ZCCHC7: variants seen among roughly 807,000 people sequenced by gnomAD.
The protein encoded by ZCCHC7 is zinc finger CCHC-type containing 7.
Under a neutral mutation model 52.0 loss-of-function variants are expected in ZCCHC7, and 35 were observed. The ratio of observed to expected loss-of-function variants is 0.67; its 90% CI spans 0.51 to 0.89. ZCCHC7 has a LOEUF of 0.89. ZCCHC7 is among the 40% of genes least tolerant of loss of function. The pLI, the probability that ZCCHC7 is intolerant of heterozygous loss-of-function variation, is 0.00. For missense variants in ZCCHC7, 574 were observed against 649.1 expected (o/e 0.88, Z 1.26); for synonymous variants, 217 against 221.5 (o/e 0.98, Z 0.18).
At chr9:37,224,714 T>C (rs890051358) in intron 2 of ZCCHC7, among the ~76,000 whole-genome samples, 2 of 152,154 alleles carry the variant, frequency 1.3e-5, no homozygotes, top group Non-Finnish European at 2.9e-5. Flanking sequence ...GTGTCTAGAA[T>C]TTGTGGATAA....
chr9:37,134,893 T>A (rs1389387695), intron 2 of ZCCHC7, among the ~76,000 whole-genome samples: 2 of 152,012 alleles, frequency 1.3e-5, no homozygotes, highest in Non-Finnish European at 2.9e-5. Flanking sequence ...GCCCAGCTAA[T>A]TTTTGTATTT....
intron 2 of ZCCHC7, among the ~76,000 whole-genome samples, chr9:37,200,172 C>T (rs1823558613): frequency 6.6e-6 from 1 of 151,992 alleles, no homozygotes; most frequent in Admixed American, 6.6e-5. Flanking sequence ...CTAATTTCCT[C>T]TCTCTTTGTT....
intron 6 of ZCCHC7, among the ~76,000 whole-genome samples, chr9:37,340,175 G>A (rs931538348): frequency 6.6e-6 from 1 of 152,046 alleles, no homozygotes; most frequent in African/African-American, 2.4e-5. Flanking sequence ...TCGTTGCATC[G>A]GGCTGCACTT....
chr9:37,280,239 G>T (rs147098119), intron 2 of ZCCHC7, among the ~76,000 whole-genome samples: 2 of 152,064 alleles, frequency 1.3e-5, no homozygotes, highest in Admixed American at 1.3e-4. Context: ...AAATTTGACG[G>T]GATTAAAGGA....
chr9:37,237,545 A>G (rs1285685451), intron 2 of ZCCHC7, among the ~76,000 whole-genome samples: 1 of 152,184 alleles, frequency 6.6e-6, no homozygotes, highest in Non-Finnish European at 1.5e-5. Context: ...CCTTAACCGT[A>G]CTGTAAACCT....
chr9:37,156,055 GTGTTAGC>G (rs1480393410), intron 2 of ZCCHC7, among the ~76,000 whole-genome samples: 6 of 152,180 alleles, frequency 3.9e-5, no homozygotes, highest in African/African-American at 1.4e-4. Flanking sequence ...TAGTTCATGT[GTGTTAGC>G]TGTTATTTTT....
At chr9:37,344,564 G>A (rs1404951255) in intron 6 of ZCCHC7, among the ~76,000 whole-genome samples, 1 of 152,110 alleles carries the variant, frequency 6.6e-6, no homozygotes, top group South Asian at 2.1e-4. Context: ...CTTACGCCAA[G>A]AGTGGTGTTT....
chr9:37,122,585 A>G (rs1842360884), intron 1 of ZCCHC7, among the ~76,000 whole-genome samples: 1 of 152,222 alleles, frequency 6.6e-6, no homozygotes, highest in South Asian at 2.1e-4. Context: ...ACCAATGCAA[A>G]TATTGCAATG....
rs375877628 is a variant in ZCCHC7, at chr9:37,169,930, G to A, written c.610+42988G>A. Among the ~76,000 whole-genome samples, 39 of 152,042 alleles carry A rather than the reference G, an allele frequency of 2.6e-4. No individual in the cohort carries two copies. The East Asian group carries it at 5.6e-3, about 22-fold the overall frequency. On this transcript the variant is annotated intron_variant, in intron 2 of 8. Transcript: ENST00000336755. ...AAAATACAAAAGATAGGGCTTGGTG[G>A]CATGCATTTGTAGTCCCAGCTACTC...
At chr9:37,242,945 A>G (rs1396055441) in intron 2 of ZCCHC7, among the ~76,000 whole-genome samples, 2 of 151,852 alleles carry the variant, frequency 1.3e-5, no homozygotes, top group African/African-American at 2.4e-5. Flanking sequence ...TCACATCTGG[A>G]ATTGCCATTA....
At chr9:37,189,639 T>G (rs1328316174) in intron 2 of ZCCHC7, among the ~76,000 whole-genome samples, 1 of 151,826 alleles carries the variant, frequency 6.6e-6, no homozygotes, top group African/African-American at 2.4e-5. Flanking sequence ...CTGCCTGCCT[T>G]GGCCTCCCAA....
intron 2 of ZCCHC7, among the ~76,000 whole-genome samples, chr9:37,269,921 A>C (rs1428898065): frequency 6.6e-6 from 1 of 152,130 alleles, no homozygotes; most frequent in Non-Finnish European, 1.5e-5. Context: ...CAAGAGTTTT[A>C]TATCTGTGAA....
chr9:37,277,561 A>G (rs1827740953), intron 2 of ZCCHC7, among the ~76,000 whole-genome samples: 2 of 152,228 alleles, frequency 1.3e-5, no homozygotes, highest in South Asian at 2.1e-4. Context: ...AGAAACTCAC[A>G]GGAAGTCAAC....
chr9:37,120,833 T>A, intron 1 of ZCCHC7: 1 of 254,718 alleles, frequency 3.9e-6, no homozygotes, highest in East Asian at 6.6e-5. Context: ...GGGGTCCGCG[T>A]CTCCCTGGCT....
At chr9:37,205,884 G>GTTT (rs369119545) in intron 2 of ZCCHC7, among the ~76,000 whole-genome samples, 2 of 143,778 alleles carry the variant, frequency 1.4e-5, no homozygotes, top group Admixed American at 1.4e-4. Context: ...ATTTGTTGGA[G>GTTT]TTTTTTTTTT....
chr9:37,287,019 CCCTCCCTT>C (rs1277664412), intron 2 of ZCCHC7, among the ~76,000 whole-genome samples: 2 of 14,338 alleles, frequency 1.4e-4, no homozygotes, highest in Non-Finnish European at 3.9e-4. Context: ...CTCCCTCCCT[CCCTCCCTT>C]CCTTCCTCTC....
chr9:37,325,939 CT>C (rs1830222865), intron 5 of ZCCHC7: 1 of 152,198 alleles, frequency 6.6e-6, no homozygotes, highest in East Asian at 1.9e-4. Flanking sequence ...GTAATTCTTT[CT>C]TTTATTACTA....
chr9:37,237,158 C>A (rs1446646146), intron 2 of ZCCHC7, among the ~76,000 whole-genome samples: 2 of 152,180 alleles, frequency 1.3e-5, no homozygotes, highest in Non-Finnish European at 2.9e-5. Context: ...AAAGAAGACA[C>A]AACAGGAAGG....
intron 2 of ZCCHC7, among the ~76,000 whole-genome samples, chr9:37,154,290 G>A (rs1820693470): frequency 6.6e-6 from 1 of 152,118 alleles, no homozygotes; most frequent in Admixed American, 6.5e-5. Context: ...TGGGGTTTGT[G>A]AGTATGAAAT....
Sources: gnomAD v4.1 joint callset for allele counts (sites outside exome capture counted in the v4.1 genomes callset) on GRCh38, gnomAD v4.1.1 for gene constraint, MANE v1.5 for transcripts, NCBI Gene and HGNC (gene_info 2026-07-23, HGNC 2026-07-21) for gene names.